WAC: variants seen among roughly 807,000 people sequenced by gnomAD.
WAC encodes WW domain containing adaptor with coiled-coil, also known as WW domain-containing adapter protein with coiled-coil.
In WAC, 11 loss-of-function variants were observed where a neutral mutation model predicts 79.6. The ratio of observed to expected loss-of-function variants is 0.14; its 90% CI spans 0.09 to 0.23. The LOEUF (loss-of-function observed/expected upper bound fraction) is 0.23, where lower values mean the gene tolerates loss of function less well. WAC is among the 10% of genes least tolerant of loss of function. WAC has a pLI of 1.00. For missense variants in WAC, 728 were observed against 773.5 expected (o/e 0.94, Z 0.70); for synonymous variants, 304 against 276.9 (o/e 1.10, Z -0.97).
At chr10:28,605,801 A>G (rs1243041600) in intron 7 of WAC, among the ~76,000 whole-genome samples, 3 of 152,178 alleles carry the variant, frequency 2.0e-5, no homozygotes, top group African/African-American at 7.2e-5. Context: ...TTCTTCTCCA[A>G]CTTGTTTCTG....
intron 3 of WAC, chr10:28,537,670 TG>T (rs937044429): frequency 5.3e-4 from 81 of 152,344 alleles, no homozygotes; most frequent in African/African-American, 1.9e-3. Context: ...GTGATACTCC[TG>T]GGAGTCAAGA....
intron 3 of WAC, among the ~76,000 whole-genome samples, chr10:28,561,497 G>GTT (rs35620962): frequency 5.2e-4 from 78 of 148,670 alleles, no homozygotes; most frequent in African/African-American, 1.3e-3. Context: ...ACTTTTAAAT[G>GTT]TTTTTTTTTT....
rs117751134 is a variant in WAC at position 28,619,710 on chromosome 10, T to G, written c.*104T>G. 2.0e-3 allele frequency: 1,761 copies of G among 899,994 alleles called. 38 individuals carry two copies. In the East Asian group the frequency reaches 0.049, roughly 25 times the overall value. 55.8% of individuals were successfully genotyped at this position (899,994 alleles called of 1,614,324 possible). On this transcript the variant is annotated 3_prime_UTR_variant, in exon 14 of 14. Coordinates refer to ENST00000354911, the MANE Select transcript of WAC (RefSeq NM_016628.5). ...TTAAGTAGACTTTGGACCGTTAAGC[T>G]GGGCAAAGGAAATGACAAGGGGACG...
At chr10:28,599,328 G>C (rs539595899) in intron 7 of WAC, among the ~76,000 whole-genome samples, 11 of 152,312 alleles carry the variant, frequency 7.2e-5, no homozygotes, top group African/African-American at 2.6e-4. Context: ...TTGATGCTGT[G>C]TATAAGAGCA....
chr10:28,560,919 A>G (rs1279604287), intron 3 of WAC, among the ~76,000 whole-genome samples: 2 of 152,204 alleles, frequency 1.3e-5, no homozygotes, highest in East Asian at 3.8e-4. Flanking sequence ...TGAGGAGGCA[A>G]GGATATGAGG....
intron 4 of WAC, chr10:28,588,750 A>G (rs1377819038): frequency 6.6e-6 from 1 of 152,178 alleles, no homozygotes; most frequent in Non-Finnish European, 1.5e-5. Context: ...TTCTAAATTG[A>G]CAATTCTACA....
In WAC at chr10:28,595,709, G is replaced by T. The variant is rs187174125; in HGVS notation, c.611-24G>T. Reference sequence around the variant, plus strand: ...TCCCCCTTCTGTCATTCCAACATCTGTTTTTTCGAACTGTGAACTAAAGTG... The same window carrying T: ...TCCCCCTTCTGTCATTCCAACATCTTTTTTTTCGAACTGTGAACTAAAGTG... On this transcript the variant is annotated intron_variant, in intron 6 of 13. Transcript: ENST00000354911. 118 of 1,600,672 alleles carry T rather than the reference G, an allele frequency of 7.4e-5. No individual in the cohort carries two copies. In the East Asian group the frequency reaches 1.4e-3, roughly 19 times the overall value.
rs35905966 is a variant in WAC at position 28,609,926 on chromosome 10, CT to C, written c.1166-752del. ...CAAAAATACATGGTATTCCTAAATACTTTTTTTTTTTTTTTTTTTTTGAGAT... is the reference window on the plus strand; with the variant it reads ...CAAAAATACATGGTATTCCTAAATACTTTTTTTTTTTTTTTTTTTTGAGAT... On this transcript the variant is annotated intron_variant, in intron 8 of 13. Coordinates refer to ENST00000354911, the MANE Select transcript of WAC (RefSeq NM_016628.5). Among the ~76,000 whole-genome samples the C allele has an allele frequency of 8.1e-3, 935 of 115,666 alleles. 7 individuals are homozygous for C. Among genetic ancestry groups the C allele is most frequent in the African/African-American group, 0.023 (689 of 30,118 alleles). The allele number at this position is 115,666 out of a possible 152,430, so 75.9% of individuals were successfully genotyped here.
At chr10:28,583,955 A>G (rs1267511044) in intron 4 of WAC, among the ~76,000 whole-genome samples, 2 of 152,250 alleles carry the variant, frequency 1.3e-5, no homozygotes. Context: ...TGTGAAACCC[A>G]GTGAGGGATT....
At chr10:28,534,998 A>G (rs548610288) in intron 2 of WAC, among the ~76,000 whole-genome samples, 22 of 152,268 alleles carry the variant, frequency 1.4e-4, no homozygotes, top group Admixed American at 1.3e-4. Flanking sequence ...TAGTACTCAC[A>G]TTAGTTTATT....
At chr10:28,617,068 G>A (rs944883220) in intron 12 of WAC, among the ~76,000 whole-genome samples, 2 of 152,118 alleles carry the variant, frequency 1.3e-5, no homozygotes, top group African/African-American at 4.8e-5. Flanking sequence ...GGGTGACACA[G>A]TGAGACTCTG....
chr10:28,598,758 G>A (rs111720215), intron 7 of WAC, among the ~76,000 whole-genome samples: 4 of 152,240 alleles, frequency 2.6e-5, no homozygotes, highest in African/African-American at 7.2e-5. Context: ...ATGTCAGTTC[G>A]GACGCTCGTA....
intron 2 of WAC, 133 bp from the exon 3 acceptor site, chr10:28,535,429 A>G (rs1221899261): frequency 1.8e-6 from 2 of 1,125,194 alleles, no homozygotes; most frequent in African/African-American, 3.2e-5. Context: ...AGAGTAAAGC[A>G]GAATTGAAAG....
intron 13 of WAC, among the ~76,000 whole-genome samples, chr10:28,618,812 T>C (rs1417957068): frequency 6.6e-6 from 1 of 152,250 alleles, no homozygotes; most frequent in Non-Finnish European, 1.5e-5. Flanking sequence ...ATTGCTCTTC[T>C]AAATGATTAA....
At chr10:28,619,256 G>C (rs1841603277) in intron 13 of WAC, among the ~76,000 whole-genome samples, 1 of 152,064 alleles carries the variant, frequency 6.6e-6, no homozygotes, top group African/African-American at 2.4e-5. Flanking sequence ...CTCTAGCCTG[G>C]GCAACAGAGC....
At chr10:28,552,243 C>T (rs1196701126) in intron 3 of WAC, among the ~76,000 whole-genome samples, 1 of 152,116 alleles carries the variant, frequency 6.6e-6, no homozygotes, top group Non-Finnish European at 1.5e-5. Context: ...CATCTTCTGA[C>T]TTTAAAAAGC....
intron 3 of WAC, among the ~76,000 whole-genome samples, chr10:28,549,307 T>C (rs1394180406): frequency 6.6e-6 from 1 of 152,236 alleles, no homozygotes; most frequent in Non-Finnish European, 1.5e-5. Context: ...CTGTCTTTGC[T>C]GCTTTCTCAG....
At position 28,542,251 on chromosome 10, in the gene WAC, A is replaced by T. The variant is rs1431494990; in HGVS notation, c.274+6494A>T. Among the ~76,000 whole-genome samples, 8 of 152,294 alleles carry T rather than the reference A, an allele frequency of 5.3e-5. No individual in the cohort carries two copies. The East Asian group carries it at 1.2e-3, about 22-fold the overall frequency. On this transcript the variant is annotated intron_variant, in intron 3 of 13. Transcript: ENST00000354911. ...CCTTGCTGAACACTCTGAAACAGTC[A>T]TTCTCATCATTGTCTTTCCTTGCCC... is the stretch of plus-strand genomic sequence containing the variant.
chr10:28,559,043 G>A (rs561365873), intron 3 of WAC, among the ~76,000 whole-genome samples: 1 of 152,138 alleles, frequency 6.6e-6, no homozygotes, highest in South Asian at 2.1e-4. Context: ...GACACTTAAC[G>A]TAGTACGTAA....
Sources: gnomAD v4.1 joint callset for allele counts (sites outside exome capture counted in the v4.1 genomes callset) on GRCh38, gnomAD v4.1.1 for gene constraint, MANE v1.5 for transcripts, NCBI Gene and HGNC (gene_info 2026-07-23, HGNC 2026-07-21) for gene names.